Variants in CADPS2 observed in about 807,000 individuals in gnomAD.
CADPS2 encodes the protein calcium-dependent secretion activator 2.
A neutral mutation model predicts 172.5 loss-of-function variants in CADPS2; 93 were observed. The ratio of observed to expected loss-of-function variants is 0.54; its 90% CI spans 0.46 to 0.64. CADPS2 has a LOEUF of 0.64. Ranked by LOEUF, CADPS2 falls within the 30% of genes least tolerant of loss-of-function variation. CADPS2 has a pLI of 0.00. For missense variants in CADPS2, 1,420 were observed against 1,565.9 expected (o/e 0.91, Z 1.57); for synonymous variants, 546 against 555.2 (o/e 0.98, Z 0.23).
At chr7:122,748,462 G>A (rs987538983) in intron 1 of CADPS2, among the ~76,000 whole-genome samples, 6 of 152,110 alleles carry the variant, frequency 3.9e-5, no homozygotes, top group Non-Finnish European at 7.4e-5. Flanking sequence ...AAAGTATTCC[G>A]ACAGCCTCAG....
chr7:122,819,613 G>A (rs1039318580), intron 1 of CADPS2, among the ~76,000 whole-genome samples: 3 of 144,364 alleles, frequency 2.1e-5, no homozygotes, highest in Non-Finnish European at 3.0e-5. Context: ...CCCAACTCTG[G>A]TGCCAACTTA....
At chr7:122,772,869 G>T (rs2093745492) in intron 1 of CADPS2, among the ~76,000 whole-genome samples, 1 of 152,062 alleles carries the variant, frequency 6.6e-6, no homozygotes, top group African/African-American at 2.4e-5. Context: ...AAAAATCTAA[G>T]CTCTTGACAG....
intron 28 of CADPS2, among the ~76,000 whole-genome samples, chr7:122,340,620 G>A (rs1011055631): frequency 6.6e-6 from 1 of 152,146 alleles, no homozygotes; most frequent in Admixed American, 6.5e-5. Context: ...AAGCTCTGAA[G>A]AAATGTACCA....
At chr7:122,822,344 T>A (rs1004481518) in intron 1 of CADPS2, among the ~76,000 whole-genome samples, 173 of 151,952 alleles carry the variant, frequency 1.1e-3, no homozygotes, top group African/African-American at 3.9e-3. Flanking sequence ...TCTTCTAATA[T>A]CCCCACAATA....
At chr7:122,470,170 T>C (rs2055727925) in intron 14 of CADPS2, among the ~76,000 whole-genome samples, 2 of 152,108 alleles carry the variant, frequency 1.3e-5, no homozygotes, top group Non-Finnish European at 2.9e-5. Context: ...TACAATTTTT[T>C]TGACTGATTG....
chr7:122,778,661 G>A (rs2093956051), intron 1 of CADPS2, among the ~76,000 whole-genome samples: 1 of 152,236 alleles, frequency 6.6e-6, no homozygotes. Context: ...CCAAGGTATA[G>A]CTTGGGTTGT....
chr7:122,455,571 G>A (rs2053660604), intron 14 of CADPS2, among the ~76,000 whole-genome samples: 1 of 151,938 alleles, frequency 6.6e-6, no homozygotes, highest in Non-Finnish European at 1.5e-5. Context: ...ATGCATATAT[G>A]CTGAGGAAAT....
chr7:122,433,018 C>T (rs142768538), intron 17 of CADPS2, among the ~76,000 whole-genome samples: 2,943 of 152,164 alleles, frequency 0.019, 32 homozygotes, highest in South Asian at 0.037. Flanking sequence ...CTGTCACCCA[C>T]GCTGGATTGC....
Position 122,327,497 on chromosome 7 carries a change from T to G in CADPS2, c.3613-1916A>C, listed in dbSNP as rs374842234. Among the ~76,000 whole-genome samples, 5 of 152,298 alleles carry G rather than the reference T, an allele frequency of 3.3e-5. No individual in the cohort carries two copies. In the East Asian group the frequency reaches 9.6e-4, roughly 29 times the overall value. ...TTTTACGAAGCCTAACATAACATAC[T>G]GGTTACTCTGTTAGACTGCACAGTT... is the stretch of plus-strand genomic sequence containing the variant. On this transcript the variant is annotated intron_variant, in intron 28 of 29. Coordinates refer to ENST00000449022, the MANE Select transcript of CADPS2 (RefSeq NM_017954.11).
rs1388833539 is a variant in CADPS2, at chr7:122,561,472, T to G, written c.1336-6783A>C. Among the ~76,000 whole-genome samples the G allele has an allele frequency of 3.3e-5, 5 of 152,124 alleles. No individual in the cohort carries two copies. The South Asian group carries it at 1.0e-3, about 32-fold the overall frequency. On this transcript the variant is annotated intron_variant, in intron 7 of 29. Transcript: ENST00000449022. Reference sequence around the variant, plus strand: ...AAGATTAGAAGCTTTGTTATTTGCATGATGGGAGGATTAAGGATAAAGCAA... The same window carrying G: ...AAGATTAGAAGCTTTGTTATTTGCAGGATGGGAGGATTAAGGATAAAGCAA...
chr7:122,869,839 G>T (rs143741750), intron 1 of CADPS2, among the ~76,000 whole-genome samples: 68 of 152,190 alleles, frequency 4.5e-4, no homozygotes, highest in African/African-American at 1.5e-3. Flanking sequence ...TGGGAAAAGA[G>T]TAAAAGTATA....
At chr7:122,813,530 C>T (rs151166620) in intron 1 of CADPS2, among the ~76,000 whole-genome samples, 2 of 152,036 alleles carry the variant, frequency 1.3e-5, no homozygotes, top group African/African-American at 2.4e-5. Context: ...TACTGTCACT[C>T]GTAAATTACC....
At chr7:122,710,954 T>A (rs2088605484) in intron 2 of CADPS2, among the ~76,000 whole-genome samples, 1 of 152,162 alleles carries the variant, frequency 6.6e-6, no homozygotes, top group Admixed American at 6.6e-5. Flanking sequence ...TCAAGGTCCC[T>A]GACAAAATGT....
intron 19 of CADPS2, among the ~76,000 whole-genome samples, chr7:122,411,906 CATAGAT>C (rs2047363910): frequency 2.0e-5 from 3 of 152,274 alleles, no homozygotes; most frequent in Non-Finnish European, 2.9e-5. Context: ...GGTTCATAAA[CATAGAT>C]ATAGCAATAA....
chr7:122,375,500 A>T (rs939795820), intron 25 of CADPS2, among the ~76,000 whole-genome samples: 4 of 152,110 alleles, frequency 2.6e-5, no homozygotes, highest in African/African-American at 9.7e-5. Context: ...TTTCTTCAAT[A>T]AATAGTGCTG....
intron 2 of CADPS2, among the ~76,000 whole-genome samples, chr7:122,729,676 G>GTTTTT (rs56993717): frequency 3.2e-5 from 3 of 94,234 alleles, no homozygotes; most frequent in Admixed American, 1.1e-4. Context: ...ATTTTTAACG[G>GTTTTT]TTTTTTTTTT....
At position 122,350,822 on chromosome 7, in the gene CADPS2, T is replaced by C. The variant is rs561695670; in HGVS notation, c.3505-5141A>G. Among the ~76,000 whole-genome samples the C allele has an allele frequency of 2.6e-5, 4 of 151,470 alleles. No individual in the cohort carries two copies. The South Asian group carries it at 6.2e-4, about 24-fold the overall frequency. On this transcript the variant is annotated intron_variant, in intron 27 of 29. Transcript: ENST00000449022. ...GCAACATGGCAAGACCCTGCCTGTA[T>C]AAAAAAGTAAAAAATTAGCCAGGCA...
At chr7:122,863,694 A>T (rs1208735769) in intron 1 of CADPS2, among the ~76,000 whole-genome samples, 2 of 152,248 alleles carry the variant, frequency 1.3e-5, no homozygotes, top group African/African-American at 4.8e-5. Flanking sequence ...TTGATCATGT[A>T]AACACCATTA....
chr7:122,551,321 A>G (rs2064258999), intron 8 of CADPS2, among the ~76,000 whole-genome samples: 1 of 152,036 alleles, frequency 6.6e-6, no homozygotes, highest in Non-Finnish European at 1.5e-5. Context: ...AGGGAGCACA[A>G]TATTACATTT....
Sources: allele counts gnomAD v4.1 joint callset (sites outside exome capture counted in the v4.1 genomes callset), GRCh38; gene constraint gnomAD v4.1.1; transcripts MANE v1.5; gene names NCBI Gene and HGNC (gene_info 2026-07-23, HGNC 2026-07-21).